CAMKMT: variants seen among roughly 807,000 people sequenced by gnomAD.
CAMKMT encodes the protein calmodulin-lysine N-methyltransferase, also known as CaM KMT.
In CAMKMT, 53 loss-of-function variants were observed where a neutral mutation model predicts 48.0. The observed-to-expected ratio is 1.10, with a 90% CI of 0.89 to 1.39. CAMKMT has a LOEUF of 1.39. Among genes scored for constraint, CAMKMT ranks in the 40% most tolerant of loss-of-function variants. The pLI, the probability that CAMKMT is intolerant of heterozygous loss-of-function variation, is 0.00. For missense variants in CAMKMT, 428 were observed against 402.7 expected, an observed-to-expected ratio of 1.06 and a Z score of -0.54; for synonymous variants, 165 against 152.3, an observed-to-expected ratio of 1.08 and a Z score of -0.61.
At chr2:44,510,350 A>G (rs561103493) in intron 3 of CAMKMT, among the ~76,000 whole-genome samples, 1 of 152,226 alleles carries the variant, frequency 6.6e-6, no homozygotes, top group Non-Finnish European at 1.5e-5. Context: ...TCTTCTCATG[A>G]TTACATTGAG....
intron 3 of CAMKMT, among the ~76,000 whole-genome samples, chr2:44,685,703 A>T (rs1364947710): frequency 1.3e-5 from 2 of 152,212 alleles, no homozygotes; most frequent in Non-Finnish European, 2.9e-5. Context: ...TGTGGTTCTC[A>T]ACTCATGCTG....
At chr2:44,743,207 A>T (rs932535132) in intron 7 of CAMKMT, among the ~76,000 whole-genome samples, 1 of 152,242 alleles carries the variant, frequency 6.6e-6, no homozygotes, top group Non-Finnish European at 1.5e-5. Context: ...AGCAACTGAT[A>T]TGCCAGGCAG....
In CAMKMT at chr2:44,612,847, C is replaced by G. The variant is rs59600390; in HGVS notation, c.377-91436C>G. Among the ~76,000 whole-genome samples the G allele has an allele frequency of 3.0e-3, 462 of 152,248 alleles. 9 individuals are homozygous for G. Among genetic ancestry groups the G allele is most frequent in the East Asian group, 0.023 (117 of 5,180 alleles). On this transcript the variant is annotated intron_variant, in intron 3 of 10. Transcript: ENST00000378494. ...TATTGTTAAGCTTACTTTTCAATCC[C>G]CCTCCTTTCCTTCCTCTTTTTCTCT...
At chr2:44,539,050 T>A in intron 3 of CAMKMT, among the ~76,000 whole-genome samples, 1 of 150,682 alleles carries the variant, frequency 6.6e-6, no homozygotes, top group East Asian at 2.0e-4. Context: ...ACGCCTGTAA[T>A]CCTAGCACTT....
chr2:44,502,847 T>G (rs1286036052), intron 3 of CAMKMT, among the ~76,000 whole-genome samples: 2 of 152,142 alleles, frequency 1.3e-5, no homozygotes, highest in Non-Finnish European at 2.9e-5. Context: ...TCCTTTTTCT[T>G]AGCCAATTAA....
chr2:44,418,370 C>A (rs1411176299), intron 3 of CAMKMT, among the ~76,000 whole-genome samples: 1 of 151,192 alleles, frequency 6.6e-6, no homozygotes, highest in Non-Finnish European at 1.5e-5. Context: ...TATTTTTAGT[C>A]TATGGTCCAT....
intron 3 of CAMKMT, among the ~76,000 whole-genome samples, chr2:44,409,506 G>A (rs1343427761): frequency 1.4e-4 from 22 of 152,086 alleles, no homozygotes; most frequent in Non-Finnish European, 3.2e-4. Flanking sequence ...TCACAAATAA[G>A]TAAATTTGGA....
At chr2:44,584,857 A>G (rs900132073) in intron 3 of CAMKMT, among the ~76,000 whole-genome samples, 5 of 152,032 alleles carry the variant, frequency 3.3e-5, no homozygotes, top group Non-Finnish European at 2.9e-5. Flanking sequence ...GATCAAGACT[A>G]TCCTGGCTAA....
chr2:44,456,581 G>T, intron 3 of CAMKMT: 2 of 1,549,554 alleles, frequency 1.3e-6, no homozygotes, highest in Non-Finnish European at 1.7e-6. Context: ...AAGCAACCAG[G>T]GGAAAATGAA....
At chr2:44,372,637 T>C in intron 1 of CAMKMT, 79 bp from the exon 2 acceptor site, 1 of 1,337,468 alleles carries the variant, frequency 7.5e-7, no homozygotes, top group Non-Finnish European at 1.0e-6. Flanking sequence ...CCCTTACCAC[T>C]TAAATTTTGA....
intron 3 of CAMKMT, among the ~76,000 whole-genome samples, chr2:44,441,582 CT>C (rs879802203): frequency 5.1e-4 from 75 of 146,764 alleles, no homozygotes; most frequent in Admixed American, 6.8e-4. Context: ...CTTGATACTT[CT>C]TTTTTTTTTT....
chr2:44,621,734 T>C (rs1440486279), intron 3 of CAMKMT, among the ~76,000 whole-genome samples: 1 of 152,200 alleles, frequency 6.6e-6, no homozygotes, highest in African/African-American at 2.4e-5. Flanking sequence ...GATTATATTC[T>C]TAGTTCAGTG....
At chr2:44,533,547 T>G (rs990145443) in intron 3 of CAMKMT, among the ~76,000 whole-genome samples, 4 of 152,180 alleles carry the variant, frequency 2.6e-5, no homozygotes, top group Admixed American at 6.5e-5. Context: ...CCAAGAATAT[T>G]ATATCTGGCA....
chr2:44,679,254 T>A (rs934856034), intron 3 of CAMKMT, among the ~76,000 whole-genome samples: 4 of 152,200 alleles, frequency 2.6e-5, no homozygotes, highest in Non-Finnish European at 5.9e-5. Flanking sequence ...AAAACCTCAA[T>A]ATAGTGATAT....
chr2:44,687,169 G>T (rs996944190), intron 3 of CAMKMT, among the ~76,000 whole-genome samples: 2 of 152,204 alleles, frequency 1.3e-5, no homozygotes, highest in African/African-American at 4.8e-5. Context: ...AATGAAGTGT[G>T]TGACTGTATA....
intron 3 of CAMKMT, among the ~76,000 whole-genome samples, chr2:44,504,352 G>C (rs1043429462): frequency 2.0e-5 from 3 of 152,138 alleles, no homozygotes; most frequent in African/African-American, 7.2e-5. Flanking sequence ...TATTAGTTCA[G>C]ATTTCAAGTA....
chr2:44,432,039 G>C (rs1184518446), intron 3 of CAMKMT, among the ~76,000 whole-genome samples: 3 of 152,178 alleles, frequency 2.0e-5, no homozygotes, highest in African/African-American at 7.2e-5. Flanking sequence ...GAAATTACAG[G>C]CTTTCTTGAC....
chr2:44,587,245 A>T (rs1240417151), intron 3 of CAMKMT, among the ~76,000 whole-genome samples: 1 of 152,168 alleles, frequency 6.6e-6, no homozygotes, highest in Non-Finnish European at 1.5e-5. Context: ...GTGACTTCTT[A>T]ACAATACTGA....
At chr2:44,753,415 A>G (rs141561248) in intron 8 of CAMKMT, among the ~76,000 whole-genome samples, 1,835 of 151,984 alleles carry the variant, frequency 0.012, 20 homozygotes, top group South Asian at 0.03. Flanking sequence ...CAAAAAAAAA[A>G]AAAGAAAGAA....
Sources: allele counts gnomAD v4.1 joint callset (sites outside exome capture counted in the v4.1 genomes callset), GRCh38; gene constraint gnomAD v4.1.1; transcripts MANE v1.5; gene names NCBI Gene and HGNC (gene_info 2026-07-23, HGNC 2026-07-21).